DIDO1: variants seen among roughly 807,000 people sequenced by gnomAD.
DIDO1 encodes death inducer-obliterator 1.
Under a neutral mutation model 99.4 loss-of-function variants are expected in DIDO1, and 16 were observed. That is an observed-to-expected ratio of 0.16 (90% confidence interval 0.11 to 0.24). The LOEUF is 0.24. Ranked by LOEUF, DIDO1 falls within the 10% of genes least tolerant of loss-of-function variation. DIDO1 has a pLI of 1.00. For synonymous variants in DIDO1, 1,366 were observed against 1,239.1 expected (o/e 1.10, Z -2.15); for missense variants, 2,996 against 3,014.0 (o/e 0.99, Z 0.14).
intron 15 of DIDO1, chr20:62,888,793 C>T: frequency 1.0e-6 from 1 of 985,418 alleles, no homozygotes; most frequent in Non-Finnish European, 1.2e-6. Context: ...GATGGCCTGG[C>T]CCGGGGTGAA....
intron 15 of DIDO1, chr20:62,889,973 C>T (rs994903665): frequency 4.2e-5 from 41 of 985,306 alleles, no homozygotes; most frequent in East Asian, 1.1e-4. Flanking sequence ...GTGCCTGGGG[C>T]GACAGAAGTC....
At chr20:62,933,080 C>T (rs1336759959) in intron 1 of DIDO1, among the ~76,000 whole-genome samples, 3 of 152,162 alleles carry the variant, frequency 2.0e-5, no homozygotes, top group African/African-American at 4.8e-5. Flanking sequence ...GGCGTGGTGG[C>T]GCATGTCTGT....
rs1345458315 is a variant in DIDO1 at position 62,896,298 on chromosome 20, T to G, written c.2149A>C (p.Thr717Pro). 1 of 1,614,062 alleles carries G rather than the reference T, an allele frequency of 6.2e-7. No individual in the cohort carries two copies. The highest frequency in any genetic ancestry group is 2.2e-5 in the East Asian group (1 of 44,894). The change falls in exon 8 of 16, where the codon ACA becomes CCA. Residue 717 changes from threonine to proline, a missense_variant. Around this residue, in one of 5 missense-constraint regions of DIDO1, gnomAD observed 898 missense variants for 972.7 expected, o/e 0.92. Coordinates refer to ENST00000395343, the MANE Select transcript of DIDO1 (RefSeq NM_001193369.2). The surrounding 1 kb of genome is among the most constrained non-coding windows in gnomAD (Gnocchi z 4.4). Reference protein sequence around the residue: ...EKEMFNLFQVTDNRYKSKYRS... With the variant: ...EKEMFNLFQVPDNRYKSKYRS... ...TATTTACTCTTGTAGCGATTATCTG[T>G]AACTTGAAACAAGTTAAACATCTCC... is the stretch of plus-strand genomic sequence containing the variant.
At chr20:62,901,611 C>T (rs1351203899) in intron 6 of DIDO1, among the ~76,000 whole-genome samples, 1 of 152,132 alleles carries the variant, frequency 6.6e-6, no homozygotes, top group Non-Finnish European at 1.5e-5. Context: ...GTATAAAGCC[C>T]CTAGCTGACA....
upstream of DIDO1, among the ~76,000 whole-genome samples, chr20:62,927,662 C>T (rs1195643612): frequency 6.6e-6 from 1 of 152,238 alleles, no homozygotes; most frequent in East Asian, 1.9e-4. Flanking sequence ...AAAGCTGCCC[C>T]TAATACAGAG....
Position 62,911,419 on chromosome 20 carries a change from C to G in DIDO1, c.194G>C (p.Gly65Ala). 1 of 1,611,300 alleles carries G rather than the reference C, an allele frequency of 6.2e-7. No individual in the cohort carries two copies. Among genetic ancestry groups the G allele is most frequent in the South Asian group, 1.1e-5 (1 of 90,888 alleles). The change falls in exon 3 of 16, where the codon GGG becomes GCG. Residue 65 changes from glycine to alanine, a missense_variant. This residue lies in a region of DIDO1 where 388 missense variants were observed against 376.6 expected (regional missense o/e 1.03). Coordinates refer to ENST00000395343, the MANE Select transcript of DIDO1 (RefSeq NM_001193369.2). The surrounding 1 kb of genome is among the most constrained non-coding windows in gnomAD (Gnocchi z 7.0). The stretch of plus-strand genomic sequence containing the variant: ...GCGCTCAGTGCGCTTGGGCTGCCTC[C>G]CACTGCGCCGCAGGGACAGGCCCAG... ...QQLGLSLRRSGRQPKRTERVE... is the reference protein window; with the variant it reads ...QQLGLSLRRSARQPKRTERVE...
chr20:62,907,139 C>T lies in DIDO1; in HGVS notation c.1374+8G>A. On this transcript the variant is annotated splice_region_variant and intron_variant, in intron 5 of 15. Transcript: ENST00000395343. ...CACTGCCTGGGCGGCTGGTCCTGGTCCACTCACCTGAGCACCGCATTTCGG... is the reference window on the plus strand; with the variant it reads ...CACTGCCTGGGCGGCTGGTCCTGGTTCACTCACCTGAGCACCGCATTTCGG... The T allele has an allele frequency of 1.9e-6, 3 of 1,614,130 alleles. No individual in the cohort carries two copies. Among genetic ancestry groups the T allele is most frequent in the Non-Finnish European group, 1.7e-6 (2 of 1,179,988 alleles).
In DIDO1 at chr20:62,879,076, G is replaced by T; in HGVS notation, c.*157C>A. On this transcript the variant is annotated 3_prime_UTR_variant, in exon 16 of 16. Transcript: ENST00000395343. The surrounding 1 kb of genome is among the most constrained non-coding windows in gnomAD (Gnocchi z 6.3). ...AAAAAAGCATCAGAATTGTAAAGAT[G>T]TGAAATCTTGTAAGAAACCATTTAC... 1 of 602,568 alleles carries T rather than the reference G, an allele frequency of 1.7e-6. No individual in the cohort carries two copies. The highest frequency in any genetic ancestry group is 2.6e-6 in the Non-Finnish European group (1 of 391,998). The allele number at this position is 602,568 out of a possible 1,614,324, so 37.3% of individuals were successfully genotyped here. A position where few individuals can be genotyped will look rare whatever the true frequency, so the allele number is the denominator to read the frequency against.
At chr20:62,902,245 T>A (rs2064699540) in intron 6 of DIDO1, among the ~76,000 whole-genome samples, 1 of 152,236 alleles carries the variant, frequency 6.6e-6, no homozygotes. Context: ...GGCTGCTTTT[T>A]AAGTTTATAA....
chr20:62,908,802 T>C (rs1278702820), intron 4 of DIDO1, among the ~76,000 whole-genome samples: 1 of 152,150 alleles, frequency 6.6e-6, no homozygotes, highest in Non-Finnish European at 1.5e-5. Flanking sequence ...GAGGCTGCAG[T>C]GAGCTGGGAC....
chr20:62,937,520 C>T (rs1177772565), intron 1 of DIDO1, among the ~76,000 whole-genome samples: 1 of 152,370 alleles, frequency 6.6e-6, no homozygotes, highest in South Asian at 2.1e-4. Context: ...GAGGGCAGGG[C>T]CCTTCTGATT....
intron 4 of DIDO1, 87 bp downstream of exon 4, chr20:62,909,612 C>T (rs2064883284): frequency 2.0e-6 from 3 of 1,531,280 alleles, no homozygotes; most frequent in Non-Finnish European, 8.9e-7. Context: ...GGTGCAGCAC[C>T]CGTCCTGGGA....
chr20:62,880,389 T>C lies in DIDO1; in HGVS notation c.5567A>G (p.Gln1856Arg). ...CGTCACCTCGTTATACGGGGCGTCC[T>C]GGAACTCCCTCTTCTCCCCATGGGG... ...KDPHGEKREF[Q>R]DAPYNEVTGA... The change falls in exon 16 of 16, where the codon CAG becomes CGG. Residue 1856 changes from glutamine to arginine, a missense_variant. This residue lies in a region of DIDO1 where 1,562 missense variants were observed against 1,412.6 expected (regional missense o/e 1.11). Coordinates refer to ENST00000395343, the MANE Select transcript of DIDO1 (RefSeq NM_001193369.2). 1 of 1,612,860 alleles carries C rather than the reference T, an allele frequency of 6.2e-7. No homozygotes were observed. Among genetic ancestry groups the C allele is most frequent in the African/African-American group, 1.3e-5 (1 of 75,074 alleles).
upstream of DIDO1, among the ~76,000 whole-genome samples, chr20:62,927,295 T>C (rs1232689852): frequency 6.6e-6 from 1 of 152,004 alleles, no homozygotes; most frequent in Non-Finnish European, 1.5e-5. Flanking sequence ...CCCACAGGGG[T>C]TGGAGGGAAA....
In DIDO1 at chr20:62,907,299, G is replaced by A; in HGVS notation, c.1222C>T (p.Pro408Ser). The A allele has an allele frequency of 6.2e-7, 1 of 1,614,224 alleles. No individual in the cohort carries two copies. The highest frequency in any genetic ancestry group is 8.5e-7 in the Non-Finnish European group (1 of 1,180,044). ...TCATTACTGCAGTACACCGAGTCGG[G>A]CTGCGCCACGTGACAGCACCCGGGG... ...IGPGCCHVAQPDSVYCSNDCI... is the reference protein window; with the variant it reads ...IGPGCCHVAQSDSVYCSNDCI... Residue 408 changes from proline to serine, a missense_variant, in exon 5 of 16, where the codon CCC (proline) becomes TCC (serine). Transcript: ENST00000395343.
At chr20:62,935,542 G>A (rs527807490) in intron 1 of DIDO1, among the ~76,000 whole-genome samples, 3 of 152,266 alleles carry the variant, frequency 2.0e-5, no homozygotes, top group African/African-American at 7.2e-5. Context: ...AGAAAGCCAC[G>A]TCTCTACTGA....
At chr20:62,926,256 TCGCC>T (rs3069125) in intron 1 of DIDO1, among the ~76,000 whole-genome samples, 179 bp downstream of exon 1, 92,413 of 149,670 alleles carry the variant, frequency 0.62, 30,411 homozygotes, top group African/African-American at 0.86. Flanking sequence ...CCCCGCCCGC[TCGCC>T]CGCCCGCCCG....
In DIDO1 at chr20:62,877,992, C is replaced by CAA. The variant is rs1439226567; in HGVS notation, c.*1240_*1241insTT. On this transcript the variant is annotated 3_prime_UTR_variant, in exon 16 of 16. Transcript: ENST00000395343. ...TGACACCTACTTTAATGTAATTTAA[C>CAA]CTATGGACACTTGGCTTTCAACACC... The CAA allele has an allele frequency of 5.9e-5, 9 of 152,088 alleles. No homozygotes were observed. The highest frequency in any genetic ancestry group is 2.2e-4 in the African/African-American group (9 of 41,408). 9.4% of individuals were successfully genotyped at this position (152,088 alleles called of 1,614,324 possible). A position where few individuals can be genotyped will look rare whatever the true frequency, so the allele number is the denominator to read the frequency against.
intron 1 of DIDO1, 73 bp downstream of exon 1, chr20:62,926,366 C>T (rs905262723): frequency 3.9e-5 from 6 of 152,096 alleles, no homozygotes; most frequent in Non-Finnish European, 8.8e-5. Context: ...GCCGGCCCCG[C>T]CCCGCTCCCG....
Sources: gnomAD v4.1 joint callset for allele counts (sites outside exome capture counted in the v4.1 genomes callset) on GRCh38, gnomAD v4.1.1 for gene constraint, gnomAD v4.1.1 regional missense constraint, Gnocchi (gnomAD v3.1) non-coding constraint, MANE v1.5 for transcripts, NCBI Gene and HGNC (gene_info 2026-07-23, HGNC 2026-07-21) for gene names.